COL9A3: variants seen among roughly 807,000 people sequenced by gnomAD.
The protein encoded by COL9A3 is collagen alpha-3(IX) chain.
COL9A3 carries 82 observed loss-of-function variants against 110.2 expected under a neutral mutation model. The ratio of observed to expected loss-of-function variants is 0.74; its 90% CI spans 0.62 to 0.89. The LOEUF (loss-of-function observed/expected upper bound fraction) is 0.89, where lower values mean the gene tolerates loss of function less well. Ranked by LOEUF, COL9A3 falls within the 40% of genes least tolerant of loss-of-function variation. The pLI is 0.00. For synonymous variants in COL9A3, 494 were observed against 403.8 expected, an observed-to-expected ratio of 1.22 and a Z score of -2.68; for missense variants, 1,066 against 981.3, an observed-to-expected ratio of 1.09 and a Z score of -1.15.
rs1306330884 is a variant in COL9A3 at position 62,817,085 on chromosome 20, C to T, written c.21C>T (p.Cys7=). ...CAGCCATGGCCGGGCCGCGCGCGTG[C>T]GCCCCGCTCCTGCTCCTGCTCCTGC... MAGPRA[C]APLLLLLLLG... The change falls in exon 1 of 32, where the codon TGC becomes TGT. Residue 7 remains cysteine (C), a synonymous_variant. Transcript: ENST00000649368. 16 of 1,391,368 alleles carry T rather than the reference C, an allele frequency of 1.1e-5. No homozygotes were observed. The highest frequency in any genetic ancestry group is 5.1e-5 in the Admixed American group (2 of 38,894). 86.2% of individuals were successfully genotyped at this position (1,391,368 alleles called of 1,614,324 possible).
At chr20:62,826,860 C>A in intron 15 of COL9A3, 40 bp downstream of exon 15, 2 of 1,605,442 alleles carry the variant, frequency 1.2e-6, no homozygotes, top group Non-Finnish European at 1.7e-6. Context: ...TGCCTCGTGA[C>A]CTCTCTCCCC....
In COL9A3 at chr20:62,826,794, G is replaced by C; in HGVS notation, c.766G>C (p.Gly256Arg). The C allele has an allele frequency of 6.2e-7, 1 of 1,612,788 alleles. No homozygotes were observed. The highest frequency in any genetic ancestry group is 8.5e-7 in the Non-Finnish European group (1 of 1,179,944). Reference protein sequence around the residue: ...RGPIGFRGPPGIPGAPGKAGD... With the variant: ...RGPIGFRGPPRIPGAPGKAGD... ...TCCCATTGGGTTCCGAGGGCCGCCT[G>C]GGATCCCAGGAGCGCCTGGGAAAGC... The change falls in exon 15 of 32, where the codon GGG becomes CGG. Residue 256 changes from glycine to arginine, a missense_variant. Transcript: ENST00000649368.
At chr20:62,817,235 A>C in intron 1 of COL9A3, 93 bp downstream of exon 1, 1 of 960,084 alleles carries the variant, frequency 1.0e-6, no homozygotes, top group Non-Finnish European at 1.4e-6. Context: ...CGCAGCCTCG[A>C]CGCCCCCAGC....
chr20:62,829,440 GCT>G lies in COL9A3; in HGVS notation c.1009-9_1009-8del. ...ATGTAACTGGCAGCCCTGACCGCAA[GCT>G]CTCTCCTGGCAGGGCCTCCCTGGAC... is the stretch of plus-strand genomic sequence containing the variant. On this transcript the variant is annotated splice_polypyrimidine_tract_variant and intron_variant, in intron 19 of 31. Transcript: ENST00000649368. The G allele has an allele frequency of 6.2e-7, 1 of 1,612,712 alleles. No homozygotes were observed.
At position 62,826,270 on chromosome 20, in the gene COL9A3, G is replaced by T. The variant is rs958920962; in HGVS notation, c.738+13G>T. ...CCCTGGGGACCGGGTAAGTCCTGCA[G>T]CCCCTAGTGGGGGCCGGCCAGGTGG... is the stretch of plus-strand genomic sequence containing the variant. On this transcript the variant is annotated intron_variant, in intron 14 of 31. Coordinates refer to ENST00000649368, the MANE Select transcript of COL9A3 (RefSeq NM_001853.4). 3.2e-6 allele frequency: 5 copies of T among 1,547,700 alleles called. No individual in the cohort carries two copies. In the African/African-American group the frequency reaches 6.8e-5, roughly 21 times the overall value.
intron 26 of COL9A3, among the ~76,000 whole-genome samples, chr20:62,833,985 T>G (rs1249244447): frequency 6.6e-6 from 1 of 152,154 alleles, no homozygotes. Flanking sequence ...GCGATTCTCC[T>G]GCCTCAGCTT....
intron 26 of COL9A3, among the ~76,000 whole-genome samples, chr20:62,835,561 T>G (rs972073355): frequency 2.6e-5 from 4 of 152,154 alleles, no homozygotes; most frequent in Admixed American, 2.0e-4. Context: ...GGGCCAGTCA[T>G]TCCTGAGGAC....
chr20:62,827,409 G>A (rs914668703), intron 16 of COL9A3, 115 bp downstream of exon 16: 1 of 1,109,832 alleles, frequency 9.0e-7, no homozygotes, highest in Non-Finnish European at 1.3e-6. Flanking sequence ...GGGGCTGCCT[G>A]GGTGGGCCTG....
chr20:62,824,563 C>G, intron 11 of COL9A3, 62 bp downstream of exon 11: 1 of 1,503,614 alleles, frequency 6.7e-7, no homozygotes, highest in Non-Finnish European at 9.0e-7. Flanking sequence ...CAGCTGGGCT[C>G]CCATGGGGCT....
chr20:62,821,937 T>C (rs536155880), intron 8 of COL9A3, 127 bp downstream of exon 8: 2 of 754,804 alleles, frequency 2.6e-6, no homozygotes, highest in East Asian at 5.3e-5. Context: ...TTGGTGGGTG[T>C]TGGTAGAAGC....
chr20:62,820,488 G>C (rs748562576), intron 5 of COL9A3, among the ~76,000 whole-genome samples: 1 of 152,208 alleles, frequency 6.6e-6, no homozygotes, highest in African/African-American at 2.4e-5. Context: ...TCAGCCAACC[G>C]GGTGCCACTG....
At chr20:62,827,435 G>A in intron 16 of COL9A3, 141 bp downstream of exon 16, 1 of 847,456 alleles carries the variant, frequency 1.2e-6, no homozygotes, top group Admixed American at 2.1e-5. Flanking sequence ...GCGTGGGGGT[G>A]AGCCTGACCC....
intron 12 of COL9A3, 49 bp downstream of exon 12, chr20:62,825,070 G>C: frequency 1.4e-6 from 2 of 1,472,128 alleles, no homozygotes; most frequent in Non-Finnish European, 1.9e-6. Context: ...CTGGAGGCTG[G>C]GCTCCGGCGG....
rs2063630695 is a variant in COL9A3 at position 62,835,867 on chromosome 20, TCCCAC to T, written c.1369-51_1369-47del. The T allele has an allele frequency of 1.9e-6, 3 of 1,602,506 alleles. No homozygotes were observed. In the Admixed American group the frequency reaches 5.0e-5, roughly 27 times the overall value. The stretch of plus-strand genomic sequence containing the variant: ...TTTATTTTATCCTCAACTGGCTACT[TCCCAC>T]CCACCCAACAATACACTTAGTTCAA... On this transcript the variant is annotated intron_variant, in intron 26 of 31. Transcript: ENST00000649368.
chr20:62,826,579 G>A (rs919218576), intron 14 of COL9A3, among the ~76,000 whole-genome samples, 188 bp from the exon 15 acceptor site: 1 of 152,198 alleles, frequency 6.6e-6, no homozygotes, highest in Non-Finnish European at 1.5e-5. Flanking sequence ...TGTGAGGGCT[G>A]TTGTGGCTTA....
Position 62,832,192 on chromosome 20 carries a change from G to A in COL9A3, c.1323+3G>A, listed in dbSNP as rs1197781245. On this transcript the variant is annotated splice_donor_region_variant and intron_variant, in intron 25 of 31. Transcript: ENST00000649368. ...CCGCAGGCCCTAAGGGAGACCAGGT[G>A]AGCTGGGCACAGGCTGGGGCAAAAG... 5.0e-6 allele frequency: 8 copies of A among 1,612,716 alleles called. No homozygotes were observed. The highest frequency in any genetic ancestry group is 1.7e-5 in the Admixed American group (1 of 60,004).
chr20:62,833,889 T>G (rs1420530547), intron 26 of COL9A3, among the ~76,000 whole-genome samples: 2 of 150,274 alleles, frequency 1.3e-5, no homozygotes, highest in African/African-American at 2.4e-5. Flanking sequence ...GTTTTGTTTG[T>G]TTTTTTTTGA....
chr20:62,823,492 C>G (rs1306781882), intron 10 of COL9A3, among the ~76,000 whole-genome samples: 1 of 152,246 alleles, frequency 6.6e-6, no homozygotes, highest in Non-Finnish European at 1.5e-5. Flanking sequence ...TGACCACCGA[C>G]GCTGTCTACC....
At chr20:62,839,217 C>T (rs866825972) in intron 31 of COL9A3, among the ~76,000 whole-genome samples, 3 of 147,580 alleles carry the variant, frequency 2.0e-5, no homozygotes, top group Admixed American at 2.0e-4. Flanking sequence ...GGCGACAGAG[C>T]GAGACTCCAT....
Sources: allele counts gnomAD v4.1 joint callset (sites outside exome capture counted in the v4.1 genomes callset), GRCh38; gene constraint gnomAD v4.1.1; transcripts MANE v1.5; gene names NCBI Gene and HGNC (gene_info 2026-07-23, HGNC 2026-07-21).